The following CNOT1 variants were observed in gnomAD, a reference collection of about 807,000 sequenced individuals.
The protein encoded by CNOT1 is CCR4-NOT transcription complex subunit 1.
In CNOT1, 15 loss-of-function variants were observed where a neutral mutation model predicts 273.8. That is an observed-to-expected ratio of 0.05 (90% CI 0.04 to 0.08). The LOEUF (loss-of-function observed/expected upper bound fraction) is 0.08. CNOT1 is among the 10% of genes least tolerant of loss of function. CNOT1 has a pLI of 1.00. For missense variants in CNOT1, 1,644 were observed against 2,912.2 expected (o/e 0.56, Z 10.02); for synonymous variants, 1,022 against 1,005.5 (o/e 1.02, Z -0.31).
chr16:58,568,545 G>A (rs1049032645), intron 16 of CNOT1, among the ~76,000 whole-genome samples: 3 of 151,340 alleles, frequency 2.0e-5, no homozygotes, highest in East Asian at 1.9e-4. Flanking sequence ...TTAGCCAGGC[G>A]TGGTGGCATG....
At chr16:58,586,179 T>C (rs968784437) in intron 7 of CNOT1, among the ~76,000 whole-genome samples, 2 of 127,880 alleles carry the variant, frequency 1.6e-5, no homozygotes, top group Admixed American at 8.8e-5. Context: ...CCCAAAGTGC[T>C]GGGATTATTG....
intron 17 of CNOT1, among the ~76,000 whole-genome samples, chr16:58,559,088 AG>A (rs2040743339): frequency 6.6e-6 from 1 of 152,224 alleles, no homozygotes; most frequent in African/African-American, 2.4e-5. Flanking sequence ...AATTTTATAC[AG>A]TTTTTTTAAA....
At position 58,603,407 on chromosome 16, in the gene CNOT1, AAGTGTGTGTGTGTGTGTGTG is replaced by A. The variant is rs1267236616; in HGVS notation, c.-174-3916_-174-3897del. ...CCTAGACCCTATCTCTACAATTTAA[AAGTGTGTGTGTGTGTGTGTG>A]TGTGTGTGTGTGTGTGTGTGTGTGT... On this transcript the variant is annotated intron_variant, in intron 1 of 48. Transcript: ENST00000317147. Among the ~76,000 whole-genome samples the A allele has an allele frequency of 1.0e-3, 128 of 126,376 alleles. 2 individuals carry two copies. The East Asian group carries it at 0.019, about 19-fold the overall frequency. The allele number at this position is 126,376 out of a possible 152,430, so 82.9% of individuals were successfully genotyped here.
rs192703298 is a variant in CNOT1, at chr16:58,621,658, C to T, written c.-175+8070G>A. Among the ~76,000 whole-genome samples the T allele has an allele frequency of 5.9e-3, 898 of 151,190 alleles. 7 individuals are homozygous for T. The highest frequency in any genetic ancestry group is 8.1e-3 in the Non-Finnish European group (551 of 67,770). ...CCATGGCCGGGCATGGTGGCTCACA[C>T]CTGTAATCCCAGCACTTTGGGAGGC... On this transcript the variant is annotated intron_variant, in intron 1 of 48. Transcript: ENST00000317147.
intron 2 of CNOT1, among the ~76,000 whole-genome samples, chr16:58,593,762 G>A (rs2042148317): frequency 6.6e-6 from 1 of 152,106 alleles, no homozygotes; most frequent in Non-Finnish European, 1.5e-5. Flanking sequence ...TTAAACAAAT[G>A]TTGATAGCAA....
In CNOT1 at chr16:58,549,711, A is replaced by C. The variant is rs1243738604; in HGVS notation, c.3522+8T>G. 1.3e-6 allele frequency: 2 copies of C among 1,590,640 alleles called. No individual in the cohort carries two copies. The highest frequency in any genetic ancestry group is 1.7e-6 in the Non-Finnish European group (2 of 1,172,938). ...ATAATTAAAGGAAATATAAGAACCA[A>C]CTCTTACTTTAATGTTTCTGTAGGT... On this transcript the variant is annotated splice_region_variant and intron_variant, in intron 25 of 48. Transcript: ENST00000317147.
Position 58,541,604 on chromosome 16 carries a change from G to A in CNOT1, c.4697C>T (p.Pro1566Leu), listed in dbSNP as rs2040097002. ...CTCTTCGTAAACAGCCAACTGCTTT[G>A]GGTCCACACCACCAACCTTGAAAGA... ...QIRLKVGGVD[P>L]KQLAVYEEFA... Residue 1566 changes from proline to leucine, a missense_variant, in exon 34 of 49, where the codon CCA becomes CTA. Coordinates refer to ENST00000317147, the MANE Select transcript of CNOT1 (RefSeq NM_016284.5). The A allele has an allele frequency of 1.2e-6, 2 of 1,613,836 alleles. No homozygotes were observed. The highest frequency in any genetic ancestry group is 1.7e-6 in the Non-Finnish European group (2 of 1,179,822).
chr16:58,579,737 AG>A (rs966764522), intron 12 of CNOT1, among the ~76,000 whole-genome samples: 11 of 152,206 alleles, frequency 7.2e-5, no homozygotes, highest in African/African-American at 2.2e-4. Context: ...CTCTCCCTGT[AG>A]CCCTGCGTAC....
chr16:58,566,985 A>G (rs763386072), intron 16 of CNOT1, among the ~76,000 whole-genome samples: 3 of 152,198 alleles, frequency 2.0e-5, no homozygotes, highest in East Asian at 1.9e-4. Context: ...CTCTCTAATT[A>G]TAACAGCCAA....
At position 58,538,284 on chromosome 16, in the gene CNOT1, T is replaced by A; in HGVS notation, c.5136-18A>T. 1.0e-6 allele frequency: 1 copy of A among 982,762 alleles called. No individual in the cohort carries two copies. Among genetic ancestry groups the A allele is most frequent in the South Asian group, 1.3e-5 (1 of 78,428 alleles). 60.9% of individuals were successfully genotyped at this position (982,762 alleles called of 1,614,324 possible). A position where few individuals can be genotyped will look rare whatever the true frequency, so the allele number is the denominator to read the frequency against. ...TTAGGCACCTAGAAAAAGTTCAATA[T>A]CTTTACTCATATAGGCTTAACCATA... On this transcript the variant is annotated intron_variant, in intron 36 of 48. Transcript: ENST00000317147.
rs529782311 is a variant in CNOT1, at chr16:58,614,436, A to C, written c.-174-14925T>G. On this transcript the variant is annotated intron_variant, in intron 1 of 48. Coordinates refer to ENST00000317147, the MANE Select transcript of CNOT1 (RefSeq NM_016284.5). ...ACCAGCTTTCTGTCTAGGAGCCTAA[A>C]ATTTTAATATGTGGTAGGCAGAGGG... Among the ~76,000 whole-genome samples, 3 of 125,792 alleles carry C rather than the reference A, an allele frequency of 2.4e-5. 1 individual carries two copies. The highest frequency in any genetic ancestry group is 5.7e-5 in the Non-Finnish European group (3 of 52,666). 82.5% of individuals were successfully genotyped at this position (125,792 alleles called of 152,430 possible).
rs140131138 is a variant in CNOT1, at chr16:58,608,730, C to T, written c.-174-9219G>A. Among the ~76,000 whole-genome samples, 75 of 152,174 alleles carry T rather than the reference C, an allele frequency of 4.9e-4. 1 individual carries two copies. The East Asian group carries it at 0.011, about 22-fold the overall frequency. On this transcript the variant is annotated intron_variant, in intron 1 of 48. Coordinates refer to ENST00000317147, the MANE Select transcript of CNOT1 (RefSeq NM_016284.5). The stretch of plus-strand genomic sequence containing the variant: ...ACCAATCCAAATGCCCATCCATCAA[C>T]GAGTGGATAAACAAACTGTGGTATA...
chr16:58,561,961 A>G (rs2040860537), intron 16 of CNOT1, among the ~76,000 whole-genome samples: 1 of 151,884 alleles, frequency 6.6e-6, no homozygotes, highest in Admixed American at 6.6e-5. Context: ...GATCACCTGA[A>G]GTCAGAAACT....
At chr16:58,539,301 C>T (rs1274532091) in intron 35 of CNOT1, among the ~76,000 whole-genome samples, 1 of 151,980 alleles carries the variant, frequency 6.6e-6, no homozygotes, top group Non-Finnish European at 1.5e-5. Context: ...TGAGAACGAC[C>T]TGGACAACAA....
intron 43 of CNOT1, 48 bp from the exon 44 acceptor site, chr16:58,528,696 G>A (rs908859618): frequency 2.2e-6 from 3 of 1,367,684 alleles, no homozygotes; most frequent in South Asian, 2.6e-5. Context: ...GGAAAATGGA[G>A]TAACATTTTC....
At chr16:58,530,879 A>C (rs1224408192) in intron 42 of CNOT1, among the ~76,000 whole-genome samples, 3 of 152,220 alleles carry the variant, frequency 2.0e-5, no homozygotes, top group African/African-American at 7.2e-5. Context: ...ATATTTGAAA[A>C]AAACTGGCTC....
intron 12 of CNOT1, among the ~76,000 whole-genome samples, chr16:58,579,446 T>C (rs2041578092): frequency 6.6e-6 from 1 of 152,178 alleles, no homozygotes; most frequent in African/African-American, 2.4e-5. Context: ...GTTAATGTGA[T>C]AATGGTATTT....
At position 58,623,858 on chromosome 16, in the gene CNOT1, C is replaced by T. The variant is rs940226143; in HGVS notation, c.-175+5870G>A. Among the ~76,000 whole-genome samples, 27 of 152,060 alleles carry T rather than the reference C, an allele frequency of 1.8e-4. No homozygotes were observed. In the South Asian group the frequency reaches 4.6e-3, roughly 26 times the overall value. ...ATAAAAAATTAGCCAGGTGTGGTGG[C>T]GCATGCCTATAATCCCAGCTACTTG... is the stretch of plus-strand genomic sequence containing the variant. On this transcript the variant is annotated intron_variant, in intron 1 of 48. Coordinates refer to ENST00000317147, the MANE Select transcript of CNOT1 (RefSeq NM_016284.5).
chr16:58,551,219 A>T lies in CNOT1; in HGVS notation c.3255T>A (p.Thr1085=). 1 of 1,608,568 alleles carries T rather than the reference A, an allele frequency of 6.2e-7. No individual in the cohort carries two copies. Among genetic ancestry groups the T allele is most frequent in the South Asian group, 1.1e-5 (1 of 89,232 alleles). ...TTTCTGGGGGCTCCACAATTCTCTCAGTTTGATCTGTGGCCACAAGCAACG... is the reference window on the plus strand; with the variant it reads ...TTTCTGGGGGCTCCACAATTCTCTCTGTTTGATCTGTGGCCACAAGCAACG... ...IDTLLVATDQ[T]ERIVEPPENI... Residue 1085 remains threonine (T), a synonymous_variant, in exon 24 of 49, where the codon ACT becomes ACA. Coordinates refer to ENST00000317147, the MANE Select transcript of CNOT1 (RefSeq NM_016284.5).
Sources: allele counts gnomAD v4.1 joint callset (sites outside exome capture counted in the v4.1 genomes callset), GRCh38; gene constraint gnomAD v4.1.1; transcripts MANE v1.5; gene names NCBI Gene and HGNC (gene_info 2026-07-23, HGNC 2026-07-21).